The following PRKCD variants were observed in gnomAD, a reference collection of about 807,000 sequenced individuals.
PRKCD encodes the protein protein kinase C delta type.
A neutral mutation model predicts 82.2 loss-of-function variants in PRKCD; 20 were observed. That is an observed-to-expected ratio of 0.24 (90% CI 0.17 to 0.35). PRKCD has a LOEUF of 0.35. Among genes scored for constraint, PRKCD ranks in the 10% least tolerant of loss-of-function variants. The probability of loss-of-function intolerance (pLI) is 1.00; values close to 1 mark genes in which losing one functional copy is unlikely to be tolerated. For synonymous variants in PRKCD, 317 were observed against 337.0 expected (o/e 0.94, Z 0.65); for missense variants, 607 against 899.0 (o/e 0.68, Z 4.15).
At chr3:53,179,322 C>A in intron 3 of PRKCD, 1 of 587,842 alleles carries the variant, frequency 1.7e-6, no homozygotes, top group Non-Finnish European at 3.1e-6. Flanking sequence ...TGCATGAATG[C>A]ATAAGGGCAG....
chr3:53,167,167 G>A (rs1379917106), intron 2 of PRKCD, among the ~76,000 whole-genome samples: 2 of 152,222 alleles, frequency 1.3e-5, no homozygotes, highest in Non-Finnish European at 2.9e-5. Context: ...TGCCCAGGAA[G>A]TGGTTTTGGA....
At chr3:53,165,592 C>T (rs1278812513) in intron 2 of PRKCD, among the ~76,000 whole-genome samples, 2 of 152,170 alleles carry the variant, frequency 1.3e-5, no homozygotes, top group African/African-American at 4.8e-5. Flanking sequence ...CTGCCTCAAA[C>T]TCACCTCATC....
intron 2 of PRKCD, among the ~76,000 whole-genome samples, chr3:53,175,745 A>G (rs1703192549): frequency 6.6e-6 from 1 of 152,210 alleles, no homozygotes; most frequent in South Asian, 2.1e-4. Flanking sequence ...TTTTCCTAAC[A>G]GCAGAGCTGC....
At chr3:53,181,753 G>A (rs782535590) in intron 7 of PRKCD, 21 bp downstream of exon 7, 4 of 1,614,218 alleles carry the variant, frequency 2.5e-6, no homozygotes, top group Non-Finnish European at 1.7e-6. Flanking sequence ...CCACAGGCCA[G>A]TTTGTACGTA....
chr3:53,162,678 TTTG>T (rs1232078670), intron 1 of PRKCD, among the ~76,000 whole-genome samples: 1 of 147,776 alleles, frequency 6.8e-6, no homozygotes, highest in Admixed American at 6.9e-5. Flanking sequence ...TCTTGGTGTG[TTTG>T]TTGTCACCAG....
chr3:53,184,433 T>C (rs1388172249), intron 9 of PRKCD, among the ~76,000 whole-genome samples: 1 of 151,944 alleles, frequency 6.6e-6, no homozygotes, highest in Non-Finnish European at 1.5e-5. Flanking sequence ...CCCAGCACTT[T>C]GGGAGGCCGA....
chr3:53,181,315 A>G (rs1312932257), intron 5 of PRKCD, 48 bp downstream of exon 5: 12 of 1,610,712 alleles, frequency 7.5e-6, no homozygotes, highest in Non-Finnish European at 1.0e-5. Context: ...GTTCAGAGGC[A>G]GAGCCAGCAC....
Position 53,185,624 on chromosome 3 carries a change from C to T in PRKCD, c.909C>T (p.Asp303=). 1 of 1,613,510 alleles carries T rather than the reference C, an allele frequency of 6.2e-7. No individual in the cohort carries two copies. Among genetic ancestry groups the T allele is most frequent in the Non-Finnish European group, 8.5e-7 (1 of 1,180,028 alleles). The change falls in exon 11 of 19, where the codon GAC becomes GAT. Residue 303 remains aspartate (D), a synonymous_variant. Coordinates refer to ENST00000330452, the MANE Select transcript of PRKCD (RefSeq NM_006254.4). ...CCCAGAGAGCCTCCCGGAGATCAGACTCAGCCTCCTCAGAGCCTGTTGGGA... is the reference window on the plus strand; with the variant it reads ...CCCAGAGAGCCTCCCGGAGATCAGATTCAGCCTCCTCAGAGCCTGTTGGGA... ...QVTQRASRRS[D]SASSEPVGIY...
At chr3:53,170,045 T>C (rs1454818213) in intron 2 of PRKCD, among the ~76,000 whole-genome samples, 4 of 152,174 alleles carry the variant, frequency 2.6e-5, no homozygotes, top group African/African-American at 7.2e-5. Flanking sequence ...CCTGCCCAGA[T>C]CCTGGGGATG....
chr3:53,181,668 G>T, intron 6 of PRKCD, 33 bp from the exon 7 acceptor site: 1 of 1,612,374 alleles, frequency 6.2e-7, no homozygotes, highest in Non-Finnish European at 8.5e-7. Flanking sequence ...CCCGGTCCCC[G>T]CTCACTCACT....
chr3:53,167,507 A>G (rs1264807807), intron 2 of PRKCD, among the ~76,000 whole-genome samples: 1 of 152,222 alleles, frequency 6.6e-6, no homozygotes, highest in Non-Finnish European at 1.5e-5. Context: ...AGCTCTATGA[A>G]TGAACCTGGG....
rs782481552 is a variant in PRKCD at position 53,192,246 on chromosome 3, G to A, written c.2011G>A (p.Glu671Lys). The change falls in exon 19 of 19, where the codon GAG (glutamate) becomes AAG (lysine). Residue 671 changes from glutamate to lysine, a missense_variant. Glu to Lys is a moderately conservative substitution (Grantham distance 56, BLOSUM62 1). This residue lies in a region of PRKCD where 251 missense variants were observed against 423.9 expected (regional missense o/e 0.59). Coordinates refer to ENST00000330452, the MANE Select transcript of PRKCD (RefSeq NM_006254.4). ...CTTCTCCTTTGTGAACCCCAAATTC[G>A]AGCACCTCCTGGAAGATTGAGGTTC... ...AGFSFVNPKF[E>K]HLLED is the part of the protein sequence containing the mutation. 8 of 1,613,984 alleles carry A rather than the reference G, an allele frequency of 5.0e-6. No homozygotes were observed. The highest frequency in any genetic ancestry group is 1.7e-5 in the Admixed American group (1 of 59,994).
chr3:53,186,497 C>A, intron 13 of PRKCD, 107 bp from the exon 14 acceptor site: 1 of 1,384,178 alleles, frequency 7.2e-7, no homozygotes, highest in Non-Finnish European at 1.0e-6. Flanking sequence ...TCCACCTCAG[C>A]CAGGGCCTGT....
intron 1 of PRKCD, among the ~76,000 whole-genome samples, chr3:53,164,440 G>A (rs1157755323): frequency 6.6e-6 from 1 of 152,136 alleles, no homozygotes; most frequent in Non-Finnish European, 1.5e-5. Context: ...AAAATTAGCT[G>A]GGTGTGGTGG....
intron 2 of PRKCD, 110 bp downstream of exon 2, chr3:53,165,325 TC>T (rs1378578334): frequency 6.6e-6 from 1 of 152,254 alleles, no homozygotes. Flanking sequence ...GCATGCAGAG[TC>T]CTTGATCTGG....
intron 7 of PRKCD, chr3:53,182,026 C>T (rs1553667749): frequency 1.7e-6 from 1 of 595,560 alleles, no homozygotes; most frequent in South Asian, 1.6e-5. Flanking sequence ...TGCACCAGGC[C>T]TCTTTTCCTC....
chr3:53,180,441 G>T (rs1285141080), intron 4 of PRKCD, among the ~76,000 whole-genome samples: 2 of 152,252 alleles, frequency 1.3e-5, no homozygotes, highest in African/African-American at 4.8e-5. Context: ...TTGGCCATGT[G>T]CAGCTGTGTG....
intron 4 of PRKCD, 147 bp downstream of exon 4, chr3:53,179,923 C>T (rs1449117007): frequency 1.8e-5 from 17 of 947,384 alleles, no homozygotes; most frequent in Non-Finnish European, 2.7e-5. Context: ...ACCAGTCCAG[C>T]CCTGTGGCCA....
At chr3:53,177,665 A>G (rs2107250267) in intron 2 of PRKCD, among the ~76,000 whole-genome samples, 2 of 152,326 alleles carry the variant, frequency 1.3e-5, no homozygotes, top group South Asian at 4.1e-4. Flanking sequence ...GGCACATACC[A>G]GGTGCCTGGC....
Sources: allele counts gnomAD v4.1 joint callset (sites outside exome capture counted in the v4.1 genomes callset), GRCh38; gene constraint gnomAD v4.1.1; regional missense constraint gnomAD v4.1.1; transcripts MANE v1.5; gene names NCBI Gene and HGNC (gene_info 2026-07-23, HGNC 2026-07-21).